Variants in NCAM1 observed in about 807,000 individuals in gnomAD.
NCAM1 encodes neural cell adhesion molecule 1, also known as antigen recognized by monoclonal antibody 5.1H11.
In NCAM1, 14 loss-of-function variants were observed where a neutral mutation model predicts 109.8. That is an observed-to-expected ratio of 0.13 (90% CI 0.08 to 0.20). NCAM1 has a LOEUF of 0.20. Ranked by LOEUF, NCAM1 falls within the 10% of genes least tolerant of loss-of-function variation. The pLI, the probability that NCAM1 is intolerant of heterozygous loss-of-function variation, is 1.00. For synonymous variants in NCAM1, 418 were observed against 442.9 expected (o/e 0.94, Z 0.70); for missense variants, 774 against 1,109.9 (o/e 0.70, Z 4.30).
At position 112,995,113 on chromosome 11, in the gene NCAM1, C is replaced by T. The variant is rs184992710; in HGVS notation, c.52+33449C>T. The stretch of plus-strand genomic sequence containing the variant: ...ATAGTCAACACTGAATAAATGCTTT[C>T]GTACCTACTGCTGAATTACAGTAGT... On this transcript the variant is annotated intron_variant, in intron 1 of 19. Transcript: ENST00000316851. 3.9e-5 allele frequency among the ~76,000 whole-genome samples: 6 copies of T among 152,090 alleles called. No individual in the cohort carries two copies. In the East Asian group the frequency reaches 1.2e-3, roughly 29 times the overall value.
intron 1 of NCAM1, chr11:113,040,796 G>A (rs1555079866): frequency 6.6e-6 from 1 of 152,110 alleles, no homozygotes; most frequent in Non-Finnish European, 1.5e-5. Flanking sequence ...AAATGAAAGT[G>A]TTTTTACATC....
intron 1 of NCAM1, among the ~76,000 whole-genome samples, chr11:113,087,665 A>G (rs1447436076): frequency 6.6e-6 from 1 of 152,232 alleles, no homozygotes; most frequent in Non-Finnish European, 1.5e-5. Context: ...GAGGGTGAGT[A>G]TGAGGCATGA....
chr11:113,008,216 G>T (rs1158495055), intron 1 of NCAM1, among the ~76,000 whole-genome samples: 2 of 152,052 alleles, frequency 1.3e-5, no homozygotes, highest in African/African-American at 4.8e-5. Context: ...TTTGATAGAG[G>T]ATCAGAGAAT....
chr11:113,158,773 A>C (rs1942502628), intron 1 of NCAM1, among the ~76,000 whole-genome samples: 1 of 152,210 alleles, frequency 6.6e-6, no homozygotes, highest in African/African-American at 2.4e-5. Context: ...TCCAGTGAAC[A>C]TTGGATGAAT....
At chr11:113,039,304 G>T (rs1952995442) in intron 1 of NCAM1, among the ~76,000 whole-genome samples, 1 of 152,136 alleles carries the variant, frequency 6.6e-6, no homozygotes. Context: ...TTAATGTGCT[G>T]CAGGAAACTT....
At chr11:113,019,055 G>A (rs1490496077) in intron 1 of NCAM1, among the ~76,000 whole-genome samples, 2 of 152,034 alleles carry the variant, frequency 1.3e-5, no homozygotes, top group Non-Finnish European at 2.9e-5. Context: ...CACGTGAAAT[G>A]CCCCAAATGA....
chr11:113,249,664 A>T (rs1945604326), intron 15 of NCAM1, among the ~76,000 whole-genome samples: 1 of 152,192 alleles, frequency 6.6e-6, no homozygotes, highest in Admixed American at 6.5e-5. Context: ...CTCAGCCTGG[A>T]TCAGCCCCAT....
At chr11:112,996,756 G>A (rs370165051) in intron 1 of NCAM1, among the ~76,000 whole-genome samples, 1 of 152,118 alleles carries the variant, frequency 6.6e-6, no homozygotes, top group East Asian at 1.9e-4. Context: ...GAATGGGAGA[G>A]CCCCTAGTTT....
intron 1 of NCAM1, among the ~76,000 whole-genome samples, chr11:112,980,579 C>CTGTT (rs370517862): frequency 6.6e-6 from 1 of 151,658 alleles, no homozygotes; most frequent in African/African-American, 2.4e-5. Flanking sequence ...ATTGTGTTAG[C>CTGTT]TGTTTGTTTG....
intron 1 of NCAM1, among the ~76,000 whole-genome samples, chr11:113,018,830 T>C (rs768238940): frequency 2.6e-5 from 4 of 152,220 alleles, no homozygotes; most frequent in Non-Finnish European, 5.9e-5. Context: ...CTAGGTGGTT[T>C]AGTTTTATTG....
intron 1 of NCAM1, among the ~76,000 whole-genome samples, chr11:113,157,711 T>C (rs1290120083): frequency 2.6e-5 from 4 of 152,200 alleles, no homozygotes; most frequent in Non-Finnish European, 4.4e-5. Flanking sequence ...GTAATACATA[T>C]GTTATCAAAA....
chr11:112,988,433 A>G (rs1401215926), intron 1 of NCAM1, among the ~76,000 whole-genome samples: 1 of 152,168 alleles, frequency 6.6e-6, no homozygotes, highest in Non-Finnish European at 1.5e-5. Flanking sequence ...TTTCAACTTA[A>G]AGAACACCCT....
chr11:113,157,059 C>A (rs1405764516), intron 1 of NCAM1, among the ~76,000 whole-genome samples: 2 of 151,980 alleles, frequency 1.3e-5, no homozygotes, highest in African/African-American at 2.4e-5. Flanking sequence ...CCTCTTGTCA[C>A]TCAGTTTGGA....
chr11:113,176,678 C>A (rs1943154748), intron 1 of NCAM1, among the ~76,000 whole-genome samples: 1 of 152,132 alleles, frequency 6.6e-6, no homozygotes, highest in Non-Finnish European at 1.5e-5. Context: ...TAGTTACATC[C>A]TAAGATATGA....
At chr11:112,980,400 A>G (rs1466812503) in intron 1 of NCAM1, among the ~76,000 whole-genome samples, 1 of 151,856 alleles carries the variant, frequency 6.6e-6, no homozygotes, top group Non-Finnish European at 1.5e-5. Flanking sequence ...TATTAATAAC[A>G]GTCAAAAAAT....
At chr11:113,148,655 T>C (rs910447821) in intron 1 of NCAM1, among the ~76,000 whole-genome samples, 3 of 152,168 alleles carry the variant, frequency 2.0e-5, no homozygotes, top group African/African-American at 7.2e-5. Context: ...TTATCTTAGA[T>C]TGAATTGATG....
intron 15 of NCAM1, 93 bp from the exon 16 acceptor site, chr11:113,255,784 G>A (rs1945816962): frequency 4.3e-6 from 6 of 1,405,426 alleles, no homozygotes; most frequent in African/African-American, 1.4e-5. Flanking sequence ...CAAGAAAAGT[G>A]TCCAGCCCCA....
chr11:113,231,360 G>A (rs1945000064), intron 9 of NCAM1: 1 of 1,452,898 alleles, frequency 6.9e-7, no homozygotes, highest in Admixed American at 2.0e-5. Flanking sequence ...TCATCTTGGG[G>A]GACCTAGCCC....
Position 113,187,563 on chromosome 11 carries a change from CTGTG to C in NCAM1, c.53-14792_53-14789del, listed in dbSNP as rs33947463. ...GATCTGTGTGTGTGTGTGTGTGTTT[CTGTG>C]TGTGTGTGTGTGTGTGTGTGTGTTT... is the stretch of plus-strand genomic sequence containing the variant. On this transcript the variant is annotated intron_variant, in intron 1 of 19. Transcript: ENST00000316851. Among the ~76,000 whole-genome samples the C allele has an allele frequency of 1.3e-3, 185 of 147,240 alleles. 1 individual carries two copies. The highest frequency in any genetic ancestry group is 0.01 in the Middle Eastern group (3 of 288).
Sources: allele counts gnomAD v4.1 joint callset (sites outside exome capture counted in the v4.1 genomes callset), GRCh38; gene constraint gnomAD v4.1.1; transcripts MANE v1.5; gene names NCBI Gene and HGNC (gene_info 2026-07-23, HGNC 2026-07-21).